EPHB2: variants seen among roughly 807,000 people sequenced by gnomAD.
The protein encoded by EPHB2 is EPH receptor B2.
Under a neutral mutation model 96.4 loss-of-function variants are expected in EPHB2, and 18 were observed. The observed-to-expected ratio is 0.19, with a 90% confidence interval of 0.13 to 0.28. The LOEUF (loss-of-function observed/expected upper bound fraction) is 0.28. Among genes scored for constraint, EPHB2 ranks in the 10% least tolerant of loss-of-function variants. The pLI is 1.00. For missense variants in EPHB2, 989 were observed against 1,355.4 expected (o/e 0.73, Z 4.25); for synonymous variants, 506 against 534.1 (o/e 0.95, Z 0.72).
intron 3 of EPHB2, among the ~76,000 whole-genome samples, chr1:22,811,630 A>G (rs1283824560): frequency 2.0e-5 from 3 of 152,168 alleles, no homozygotes; most frequent in Non-Finnish European, 4.4e-5. Flanking sequence ...TTCCCCTGAA[A>G]TGTCACCTGG....
intron 1 of EPHB2, chr1:22,774,645 TA>T: frequency 1.0e-6 from 1 of 984,800 alleles, no homozygotes; most frequent in Non-Finnish European, 1.2e-6. Flanking sequence ...GGAAGGTAAT[TA>T]GCTGGCCTGC....
intron 6 of EPHB2, among the ~76,000 whole-genome samples, chr1:22,886,765 T>TA (rs1405383780): frequency 6.6e-6 from 1 of 151,836 alleles, no homozygotes; most frequent in African/African-American, 2.4e-5. Context: ...TAGCTGGAAT[T>TA]ACAGGCATGC....
Position 22,886,351 on chromosome 1 carries a change from G to C in EPHB2, c.1428+3868G>C, listed in dbSNP as rs369650160. ...CGGGAGCATCAGGGGAGGAGGTTGGGAGGGAGGCTGGGCTAATTGTCAAGG... is the reference window on the plus strand; with the variant it reads ...CGGGAGCATCAGGGGAGGAGGTTGGCAGGGAGGCTGGGCTAATTGTCAAGG... On this transcript the variant is annotated intron_variant, in intron 6 of 15. Coordinates refer to ENST00000374630, the MANE Select transcript of EPHB2 (RefSeq NM_017449.5). Among the ~76,000 whole-genome samples, 109 of 152,322 alleles carry C rather than the reference G, an allele frequency of 7.2e-4. No individual in the cohort carries two copies. In the East Asian group the frequency reaches 0.014, roughly 19 times the overall value.
chr1:22,747,723 G>A (rs1031342525), intron 1 of EPHB2, among the ~76,000 whole-genome samples: 18 of 152,354 alleles, frequency 1.2e-4, no homozygotes, highest in East Asian at 1.9e-4. Context: ...GGGGACTCAG[G>A]TGCGACCTGT....
intron 1 of EPHB2, among the ~76,000 whole-genome samples, chr1:22,714,452 T>C (rs1456930603): frequency 4.6e-5 from 7 of 152,148 alleles, no homozygotes; most frequent in African/African-American, 1.4e-4. Context: ...TATATGTCCA[T>C]AGAAAGACAT....
At chr1:22,776,347 T>G (rs1444731569) in intron 1 of EPHB2, among the ~76,000 whole-genome samples, 2 of 152,244 alleles carry the variant, frequency 1.3e-5, no homozygotes, top group Admixed American at 1.3e-4. Flanking sequence ...ATTTGGCATT[T>G]TCTTCCCCTC....
intron 3 of EPHB2, among the ~76,000 whole-genome samples, chr1:22,789,773 A>T (rs1283088550): frequency 6.6e-6 from 1 of 152,202 alleles, no homozygotes; most frequent in Non-Finnish European, 1.5e-5. Flanking sequence ...GCAGAATGTG[A>T]TGAGTGAAGG....
intron 3 of EPHB2, among the ~76,000 whole-genome samples, chr1:22,829,452 T>A (rs569663094): frequency 5.5e-4 from 84 of 152,194 alleles, no homozygotes; most frequent in African/African-American, 1.9e-3. Flanking sequence ...CAAGCCAGGG[T>A]GTAAGACCAT....
At chr1:22,880,009 G>A (rs1638981156) in intron 5 of EPHB2, among the ~76,000 whole-genome samples, 1 of 151,968 alleles carries the variant, frequency 6.6e-6, no homozygotes, top group African/African-American at 2.4e-5. Flanking sequence ...TGCGGGAGGG[G>A]AGTCTGGACC....
intron 1 of EPHB2, among the ~76,000 whole-genome samples, chr1:22,755,679 G>C (rs369937173): frequency 4.6e-5 from 7 of 152,250 alleles, no homozygotes; most frequent in African/African-American, 1.7e-4. Flanking sequence ...AAAGTGCCTC[G>C]GTTTCCTCAT....
At chr1:22,877,533 T>G (rs1369227908) in intron 5 of EPHB2, among the ~76,000 whole-genome samples, 1 of 152,100 alleles carries the variant, frequency 6.6e-6, no homozygotes, top group African/African-American at 2.4e-5. Context: ...GGCCCCCACC[T>G]TCCTCGGCAG....
intron 5 of EPHB2, among the ~76,000 whole-genome samples, chr1:22,871,678 A>C (rs1464333091): frequency 6.6e-6 from 1 of 152,206 alleles, no homozygotes; most frequent in Non-Finnish European, 1.5e-5. Flanking sequence ...AAACCTAGCA[A>C]CTTAACACAA....
intron 13 of EPHB2, among the ~76,000 whole-genome samples, chr1:22,909,633 A>G (rs913121046): frequency 1.3e-5 from 2 of 152,220 alleles, no homozygotes; most frequent in Non-Finnish European, 2.9e-5. Context: ...GGGGTTCGAA[A>G]GGTCGCAGGA....
chr1:22,892,644 CAT>C (rs1391207618), intron 6 of EPHB2, among the ~76,000 whole-genome samples: 1 of 152,206 alleles, frequency 6.6e-6, no homozygotes, highest in Non-Finnish European at 1.5e-5. Context: ...CAACACAAGT[CAT>C]GTGGACAAAT....
intron 14 of EPHB2, among the ~76,000 whole-genome samples, chr1:22,912,166 C>G (rs1326553784): frequency 6.6e-6 from 1 of 152,192 alleles, no homozygotes; most frequent in Non-Finnish European, 1.5e-5. Flanking sequence ...TTGGCCATCC[C>G]TGCAGTGCCT....
intron 14 of EPHB2, among the ~76,000 whole-genome samples, chr1:22,911,179 T>TAAATAAATA (rs1352184983): frequency 6.6e-6 from 1 of 151,402 alleles, no homozygotes. Flanking sequence ...AATAAATAAA[T>TAAATAAATA]AATTACCAAA....
intron 1 of EPHB2, among the ~76,000 whole-genome samples, chr1:22,724,489 T>C (rs2148343660): frequency 6.6e-6 from 1 of 152,242 alleles, no homozygotes; most frequent in East Asian, 1.9e-4. Flanking sequence ...TAGCTGCTTC[T>C]GTCCTCACAA....
chr1:22,798,149 T>C (rs1157975817), intron 3 of EPHB2, among the ~76,000 whole-genome samples: 1 of 152,220 alleles, frequency 6.6e-6, no homozygotes, highest in Admixed American at 6.5e-5. Flanking sequence ...GGTGCTGAGC[T>C]CACAGAAGGT....
chr1:22,867,799 G>GA (rs1318910789), intron 5 of EPHB2, among the ~76,000 whole-genome samples: 2 of 152,194 alleles, frequency 1.3e-5, no homozygotes, highest in African/African-American at 2.4e-5. Context: ...TTGAACCTGG[G>GA]AGGCAGAGCT....
Sources: gnomAD v4.1 joint callset for allele counts (sites outside exome capture counted in the v4.1 genomes callset) on GRCh38, gnomAD v4.1.1 for gene constraint, MANE v1.5 for transcripts, NCBI Gene and HGNC (gene_info 2026-07-23, HGNC 2026-07-21) for gene names.